The following AMBRA1 variants were observed in gnomAD, a reference collection of about 807,000 sequenced individuals.
The protein encoded by AMBRA1 is autophagy and beclin 1 regulator 1.
A neutral mutation model predicts 125.4 loss-of-function variants in AMBRA1; 47 were observed. The ratio of observed to expected loss-of-function variants is 0.37; its 90% CI spans 0.30 to 0.48. AMBRA1 has a LOEUF of 0.48. AMBRA1 is among the 20% of genes least tolerant of loss of function. AMBRA1 has a pLI of 0.99. For synonymous variants in AMBRA1, 626 were observed against 655.5 expected, an observed-to-expected ratio of 0.95 and a Z score of 0.69; for missense variants, 1,331 against 1,693.4, an observed-to-expected ratio of 0.79 and a Z score of 3.76.
intron 7 of AMBRA1, among the ~76,000 whole-genome samples, chr11:46,531,160 G>A (rs1174233991): frequency 6.6e-6 from 1 of 152,144 alleles, no homozygotes; most frequent in African/African-American, 2.4e-5. Context: ...TGGGATTACA[G>A]GCATGAGCCA....
intron 1 of AMBRA1, among the ~76,000 whole-genome samples, chr11:46,571,127 A>G (rs554615805): frequency 6.6e-6 from 1 of 152,290 alleles, no homozygotes; most frequent in Non-Finnish European, 1.5e-5. Context: ...TCTGGCTTCA[A>G]TTCCGCTGAT....
At chr11:46,571,688 T>A (rs1046906208) in intron 1 of AMBRA1, among the ~76,000 whole-genome samples, 5 of 51,126 alleles carry the variant, frequency 9.8e-5, no homozygotes, top group African/African-American at 3.9e-4. Flanking sequence ...TCAATCAATC[T>A]TTTTTTTTTT....
intron 11 of AMBRA1, among the ~76,000 whole-genome samples, chr11:46,467,185 G>A (rs1029141642): frequency 6.6e-6 from 1 of 152,018 alleles, no homozygotes; most frequent in Non-Finnish European, 1.5e-5. Flanking sequence ...CCAAAGTACT[G>A]GGATTACAGG....
Position 46,505,730 on chromosome 11 carries a change from G to A in AMBRA1, c.2339+2461C>T, listed in dbSNP as rs369458881. Among the ~76,000 whole-genome samples, 3 of 151,636 alleles carry A rather than the reference G, an allele frequency of 2.0e-5. No individual in the cohort carries two copies. In the East Asian group the frequency reaches 5.8e-4, roughly 29 times the overall value. ...GGGGAGCATAAGGAGGAGGCAGTCT[G>A]ACACAGGAAAATCGAGGGGGAAGGA... On this transcript the variant is annotated intron_variant, in intron 9 of 17. Transcript: ENST00000683756.
intron 15 of AMBRA1, among the ~76,000 whole-genome samples, chr11:46,417,103 G>A (rs565430915): frequency 2.0e-5 from 3 of 151,522 alleles, no homozygotes; most frequent in East Asian, 1.9e-4. Context: ...CTAGGTTGGC[G>A]TGCAATGGCA....
At chr11:46,503,977 G>A (rs763497191) in intron 9 of AMBRA1, among the ~76,000 whole-genome samples, 1 of 152,166 alleles carries the variant, frequency 6.6e-6, no homozygotes, top group Non-Finnish European at 1.5e-5. Flanking sequence ...GAGATTACAG[G>A]TGTGAGCTGC....
intron 7 of AMBRA1, among the ~76,000 whole-genome samples, chr11:46,529,007 T>C (rs1952100940): frequency 6.6e-6 from 1 of 152,200 alleles, no homozygotes; most frequent in South Asian, 2.1e-4. Flanking sequence ...CAATTCTCTT[T>C]CTATGACAAG....
At chr11:46,411,042 G>C (rs1210615772) in intron 15 of AMBRA1, among the ~76,000 whole-genome samples, 5 of 149,314 alleles carry the variant, frequency 3.3e-5, no homozygotes, top group African/African-American at 1.2e-4. Context: ...AGAGGTTGCA[G>C]TGAGCTGAGA....
intron 11 of AMBRA1, among the ~76,000 whole-genome samples, chr11:46,487,287 GA>G (rs1423192106): frequency 1.3e-5 from 2 of 152,062 alleles, no homozygotes; most frequent in African/African-American, 2.4e-5. Context: ...AAAGAGATGA[GA>G]GGGGCAGAGG....
chr11:46,433,742 T>G, intron 13 of AMBRA1, 114 bp from the exon 14 acceptor site: 1 of 1,117,606 alleles, frequency 8.9e-7, no homozygotes, highest in Non-Finnish European at 1.3e-6. Context: ...TTGCTCATCC[T>G]GGTGTTATCT....
chr11:46,433,350 C>T, intron 14 of AMBRA1, 124 bp downstream of exon 14: 1 of 1,233,684 alleles, frequency 8.1e-7, no homozygotes, highest in Non-Finnish European at 1.1e-6. Context: ...TACAGCCCTT[C>T]CTTACTCCTT....
chr11:46,523,223 C>T (rs757743287), intron 7 of AMBRA1, among the ~76,000 whole-genome samples: 1 of 152,176 alleles, frequency 6.6e-6, no homozygotes, highest in Non-Finnish European at 1.5e-5. Flanking sequence ...CTCTTAGTGA[C>T]ATTTGATTTC....
chr11:46,457,139 C>T (rs998076016), intron 11 of AMBRA1, among the ~76,000 whole-genome samples: 2 of 152,204 alleles, frequency 1.3e-5, no homozygotes, highest in Non-Finnish European at 2.9e-5. Flanking sequence ...TTGGGGCCAA[C>T]ATGCAAGAAA....
At chr11:46,495,783 C>A (rs1261763446) in intron 9 of AMBRA1, among the ~76,000 whole-genome samples, 1 of 152,194 alleles carries the variant, frequency 6.6e-6, no homozygotes, top group Non-Finnish European at 1.5e-5. Context: ...TGATAAATTA[C>A]TAATTCATTT....
chr11:46,547,977 T>G, intron 2 of AMBRA1, 102 bp from the exon 3 acceptor site: 1 of 1,374,678 alleles, frequency 7.3e-7, no homozygotes, highest in Non-Finnish European at 1.0e-6. Context: ...GCATTCACAG[T>G]GTAGGCTTAA....
intron 1 of AMBRA1, among the ~76,000 whole-genome samples, chr11:46,581,404 C>A (rs940435136): frequency 6.6e-6 from 1 of 151,870 alleles, no homozygotes; most frequent in Non-Finnish European, 1.5e-5. Context: ...GTCAGGAGAT[C>A]GAGACCATCC....
chr11:46,528,015 T>C (rs770789026), intron 7 of AMBRA1, among the ~76,000 whole-genome samples: 6 of 152,214 alleles, frequency 3.9e-5, no homozygotes, highest in South Asian at 4.1e-4. Flanking sequence ...CCCATGTTCA[T>C]TGCAGCATTT....
intron 11 of AMBRA1, among the ~76,000 whole-genome samples, chr11:46,455,802 G>C (rs1267330479): frequency 6.6e-6 from 1 of 152,218 alleles, no homozygotes; most frequent in Non-Finnish European, 1.5e-5. Flanking sequence ...AAGAAAGTAA[G>C]TAAGTTGCTC....
intron 14 of AMBRA1, among the ~76,000 whole-genome samples, chr11:46,431,690 A>AGC (rs1198129181): frequency 4.6e-5 from 7 of 152,230 alleles, no homozygotes; most frequent in Admixed American, 6.5e-5. Context: ...GGGTTAGAAG[A>AGC]GCAGCTGTTG....
Sources: gnomAD v4.1 joint callset for allele counts (sites outside exome capture counted in the v4.1 genomes callset) on GRCh38, gnomAD v4.1.1 for gene constraint, MANE v1.5 for transcripts, NCBI Gene and HGNC (gene_info 2026-07-23, HGNC 2026-07-21) for gene names.